BACH2: variants seen among roughly 807,000 people sequenced by gnomAD.
BACH2 encodes the protein transcription regulator protein BACH2.
Under a neutral mutation model 61.8 loss-of-function variants are expected in BACH2, and 5 were observed. That is an observed-to-expected ratio of 0.08 (90% CI 0.04 to 0.17). The LOEUF (loss-of-function observed/expected upper bound fraction) is 0.17, where lower values mean the gene tolerates loss of function less well. Among genes scored for constraint, BACH2 ranks in the 10% least tolerant of loss-of-function variants. BACH2 has a pLI of 1.00. For missense variants in BACH2, 824 were observed against 1,091.1 expected (o/e 0.76, Z 3.45); for synonymous variants, 446 against 440.1 (o/e 1.01, Z -0.17).
chr6:90,209,980 C>T (rs1016877174), intron 3 of BACH2, among the ~76,000 whole-genome samples: 12 of 152,104 alleles, frequency 7.9e-5, no homozygotes. Context: ...ATTGTTGCAG[C>T]TGCCTTTGGA....
At chr6:90,059,669 T>C (rs532589891) in intron 5 of BACH2, among the ~76,000 whole-genome samples, 3,693 of 152,148 alleles carry the variant, frequency 0.024, 162 homozygotes, top group African/African-American at 0.084. Flanking sequence ...TAAAGACACA[T>C]GCACACGTAT....
chr6:89,948,113 G>C (rs769756337), intron 7 of BACH2, among the ~76,000 whole-genome samples: 15 of 151,364 alleles, frequency 9.9e-5, no homozygotes, highest in Admixed American at 3.3e-4. Flanking sequence ...CGGCGAGGGT[G>C]GGGGGACACA....
At chr6:90,110,034 A>G (rs1239986049) in intron 4 of BACH2, among the ~76,000 whole-genome samples, 1 of 152,242 alleles carries the variant, frequency 6.6e-6, no homozygotes, top group South Asian at 2.1e-4. Context: ...CATAAGTGAG[A>G]GAATTAACAC....
intron 4 of BACH2, among the ~76,000 whole-genome samples, chr6:90,127,276 C>T (rs1209734069): frequency 6.6e-6 from 1 of 152,224 alleles, no homozygotes; most frequent in Non-Finnish European, 1.5e-5. Context: ...TTTCCCGCTC[C>T]GCTCCGGGGT....
intron 4 of BACH2, among the ~76,000 whole-genome samples, chr6:90,157,290 C>T (rs1785027782): frequency 6.6e-6 from 1 of 152,118 alleles, no homozygotes; most frequent in Non-Finnish European, 1.5e-5. Context: ...ACTTGGTAGA[C>T]CAACACTTCA....
At chr6:89,973,128 G>A (rs1179892195) in intron 6 of BACH2, among the ~76,000 whole-genome samples, 4 of 152,158 alleles carry the variant, frequency 2.6e-5, no homozygotes, top group Non-Finnish European at 4.4e-5. Flanking sequence ...ATGGCTGGGC[G>A]TGTTGGCTTG....
chr6:90,130,959 G>A (rs1426183901), intron 4 of BACH2, among the ~76,000 whole-genome samples: 1 of 152,220 alleles, frequency 6.6e-6, no homozygotes, highest in Non-Finnish European at 1.5e-5. Context: ...TAATACACAT[G>A]CAAAATGTTT....
At chr6:90,068,312 C>T (rs886757534) in intron 5 of BACH2, among the ~76,000 whole-genome samples, 1 of 152,166 alleles carries the variant, frequency 6.6e-6, no homozygotes, top group African/African-American at 2.4e-5. Context: ...TCATCTCAGG[C>T]ACCACTGAGT....
At chr6:90,245,857 A>G (rs779083417) in intron 3 of BACH2, among the ~76,000 whole-genome samples, 2 of 152,208 alleles carry the variant, frequency 1.3e-5, no homozygotes, top group Non-Finnish European at 2.9e-5. Flanking sequence ...AAAAAATTGG[A>G]CAAAAATCTA....
chr6:89,960,384 G>A lies in BACH2; in HGVS notation c.244-8522C>T, dbSNP rs148966518. The stretch of plus-strand genomic sequence containing the variant: ...TCCGACCGCAGAGTTCAACTCTCAT[G>A]CTCCCTTTCTACCTGTTGCTGTTTC... On this transcript the variant is annotated intron_variant, in intron 6 of 8. Transcript: ENST00000257749. Among the ~76,000 whole-genome samples, 595 of 152,286 alleles carry A rather than the reference G, an allele frequency of 3.9e-3. 2 individuals are homozygous for A. The highest frequency in any genetic ancestry group is 0.013 in the African/African-American group (556 of 41,544).
chr6:90,003,834 G>T (rs756634091), intron 6 of BACH2, among the ~76,000 whole-genome samples: 34 of 152,194 alleles, frequency 2.2e-4, no homozygotes, highest in Non-Finnish European at 3.8e-4. Flanking sequence ...CAAAGGGCAG[G>T]CTCTGTGCTC....
chr6:90,044,378 C>T (rs1229565361), intron 5 of BACH2, among the ~76,000 whole-genome samples: 1 of 152,174 alleles, frequency 6.6e-6, no homozygotes, highest in Non-Finnish European at 1.5e-5. Context: ...GCTTGATGCT[C>T]TGATGACTCA....
At chr6:90,173,116 T>C (rs62408208) in intron 4 of BACH2, among the ~76,000 whole-genome samples, 1 of 149,790 alleles carries the variant, frequency 6.7e-6, no homozygotes, top group East Asian at 1.9e-4. Context: ...TGGAACTATA[T>C]TTAAAAAAAA....
chr6:89,979,148 A>G (rs959986853), intron 6 of BACH2, among the ~76,000 whole-genome samples: 2 of 152,154 alleles, frequency 1.3e-5, no homozygotes, highest in Non-Finnish European at 2.9e-5. Context: ...GATGAAAAAA[A>G]CGCATCAGAA....
intron 3 of BACH2, among the ~76,000 whole-genome samples, chr6:90,223,270 C>T (rs531571750): frequency 5.3e-5 from 8 of 152,230 alleles, no homozygotes; most frequent in Middle Eastern, 3.4e-3. Flanking sequence ...AGCAAAGCTA[C>T]GACATAATTC....
chr6:90,225,956 C>T (rs953611170), intron 3 of BACH2, among the ~76,000 whole-genome samples: 2 of 152,268 alleles, frequency 1.3e-5, no homozygotes, highest in Middle Eastern at 3.4e-3. Context: ...AGGCCACCAG[C>T]ATTACCCTGA....
intron 1 of BACH2, among the ~76,000 whole-genome samples, chr6:90,281,830 C>CT (rs1327754866): frequency 1.3e-5 from 2 of 152,262 alleles, no homozygotes; most frequent in East Asian, 3.9e-4. Flanking sequence ...CCTAACAACA[C>CT]TATCAGGTAG....
At chr6:90,200,246 G>C (rs1768912946) in intron 4 of BACH2, among the ~76,000 whole-genome samples, 1 of 152,126 alleles carries the variant, frequency 6.6e-6, no homozygotes, top group South Asian at 2.1e-4. Flanking sequence ...AAGGGTCTAA[G>C]GGTGCCCCTC....
intron 3 of BACH2, among the ~76,000 whole-genome samples, chr6:90,222,630 T>C (rs964168045): frequency 1.3e-5 from 2 of 152,238 alleles, no homozygotes; most frequent in African/African-American, 4.8e-5. Context: ...GTGTCACTTA[T>C]GTAGGATATA....
Sources: allele counts gnomAD v4.1 joint callset (sites outside exome capture counted in the v4.1 genomes callset), GRCh38; gene constraint gnomAD v4.1.1; transcripts MANE v1.5; gene names NCBI Gene and HGNC (gene_info 2026-07-23, HGNC 2026-07-21).